The following GRID1 variants were observed in gnomAD, a reference collection of about 807,000 sequenced individuals.
GRID1 encodes the protein glutamate receptor ionotropic, delta-1.
GRID1 carries 28 observed loss-of-function variants against 98.0 expected under a neutral mutation model. The ratio of observed to expected loss-of-function variants is 0.29; its 90% CI spans 0.21 to 0.39. GRID1 has a LOEUF of 0.39. Ranked by LOEUF, GRID1 falls within the 10% of genes least tolerant of loss-of-function variation. GRID1 has a pLI of 1.00. For synonymous variants in GRID1, 553 were observed against 538.5 expected (o/e 1.03, Z -0.37); for missense variants, 1,111 against 1,340.5 (o/e 0.83, Z 2.67).
In GRID1 at chr10:86,366,333, G is replaced by C; in HGVS notation, c.60C>G (p.Ala20=). 1.3e-6 allele frequency: 2 copies of C among 1,513,882 alleles called. No individual in the cohort carries two copies. Among genetic ancestry groups the C allele is most frequent in the Non-Finnish European group, 8.9e-7 (1 of 1,129,052 alleles). 93.8% of individuals were successfully genotyped at this position (1,513,882 alleles called of 1,614,324 possible). The change falls in exon 1 of 16, where the codon GCC becomes GCG. Residue 20 remains alanine (A), a synonymous_variant. Transcript: ENST00000327946. The surrounding 1 kb of genome is among the most constrained non-coding windows in gnomAD (Gnocchi z 4.1). ...GCTTACCGATGTGGATGATGGAGTC[G>C]GCCCGCACCGACACGCACTGGCATA... The part of the protein sequence containing the change: ...PWICQCVSVR[A]DSIIHIGAIF...
At chr10:85,743,890 T>G (rs1472590102) in intron 8 of GRID1, among the ~76,000 whole-genome samples, 1 of 152,192 alleles carries the variant, frequency 6.6e-6, no homozygotes, top group Non-Finnish European at 1.5e-5. Context: ...AATGCATGCA[T>G]AGGTGCATAG....
chr10:86,055,717 T>G (rs996774650), intron 4 of GRID1, among the ~76,000 whole-genome samples: 7 of 152,076 alleles, frequency 4.6e-5, no homozygotes, highest in African/African-American at 1.7e-4. Context: ...CACTCCAGCC[T>G]GGGCAACAGA....
intron 12 of GRID1, among the ~76,000 whole-genome samples, chr10:85,667,548 A>T (rs1040709814): frequency 1.3e-5 from 2 of 152,184 alleles, no homozygotes; most frequent in African/African-American, 4.8e-5. Context: ...CCAGAAGGTT[A>T]ATTAGCTTGC....
At chr10:86,172,177 C>A (rs1252747702) in intron 3 of GRID1, among the ~76,000 whole-genome samples, 1 of 152,144 alleles carries the variant, frequency 6.6e-6, no homozygotes, top group Non-Finnish European at 1.5e-5. Context: ...CCCATCCCAC[C>A]CTAGCCCCTG....
intron 5 of GRID1, among the ~76,000 whole-genome samples, chr10:85,906,021 C>T (rs1320347628): frequency 1.3e-5 from 2 of 151,814 alleles, no homozygotes; most frequent in Admixed American, 6.6e-5. Context: ...ATACTTTAAA[C>T]ATAAAGAAAC....
At chr10:86,317,966 C>T (rs112958747) in intron 2 of GRID1, among the ~76,000 whole-genome samples, 6,485 of 152,216 alleles carry the variant, frequency 0.043, 195 homozygotes, top group Non-Finnish European at 0.065. Context: ...GTCTTGAACT[C>T]CTGGCCTCAA....
At chr10:86,142,233 C>T (rs1403140060) in intron 3 of GRID1, among the ~76,000 whole-genome samples, 3 of 152,188 alleles carry the variant, frequency 2.0e-5, no homozygotes, top group Admixed American at 2.0e-4. Context: ...CCTATAGACT[C>T]ATAAAAAATA....
chr10:85,854,672 C>A (rs1408806142), intron 7 of GRID1, 57 bp from the exon 8 acceptor site: 14 of 1,596,822 alleles, frequency 8.8e-6, no homozygotes, highest in African/African-American at 1.3e-5. Flanking sequence ...GGATGGAGTC[C>A]CAAAGGCTAA....
At chr10:85,843,144 T>A (rs1842975337) in intron 8 of GRID1, among the ~76,000 whole-genome samples, 1 of 151,850 alleles carries the variant, frequency 6.6e-6, no homozygotes, top group South Asian at 2.1e-4. Context: ...CACACAAATA[T>A]GCCAAAATGA....
chr10:86,284,512 A>T (rs1414677259), intron 2 of GRID1, among the ~76,000 whole-genome samples: 2 of 152,184 alleles, frequency 1.3e-5, no homozygotes, highest in East Asian at 3.8e-4. Context: ...CACTTCCACC[A>T]CTGCTGAGCT....
rs374120754 is a variant in GRID1 at position 85,856,148 on chromosome 10, T to C, written c.994A>G (p.Asn332Asp). Residue 332 changes from asparagine (N) to aspartate (D), a missense_variant, in exon 7 of 16, where the codon AAC becomes GAC. Transcript: ENST00000327946. ...YLYDSVLMLA[N>D]AFHRKLEDRK... ...TCCTCCAGCTTCCTGTGAAAGGCGT[T>C]GGCCAGCATCAGAACACTGTCATAC... The C allele has an allele frequency of 9.3e-6, 15 of 1,614,062 alleles. No individual in the cohort carries two copies. Among genetic ancestry groups the C allele is most frequent in the Non-Finnish European group, 1.3e-5 (15 of 1,180,020 alleles).
chr10:85,643,294 T>C (rs897648547), intron 13 of GRID1, among the ~76,000 whole-genome samples: 1 of 152,078 alleles, frequency 6.6e-6, no homozygotes, highest in African/African-American at 2.4e-5. Flanking sequence ...CTACACTGCA[T>C]GGCAGCAGAC....
intron 4 of GRID1, among the ~76,000 whole-genome samples, chr10:86,023,601 T>G (rs1244681628): frequency 6.6e-6 from 1 of 152,092 alleles, no homozygotes; most frequent in Non-Finnish European, 1.5e-5. Context: ...TGACAATACC[T>G]GCACACATAA....
At chr10:86,262,773 A>G (rs1847036909) in intron 2 of GRID1, among the ~76,000 whole-genome samples, 1 of 152,178 alleles carries the variant, frequency 6.6e-6, no homozygotes, top group African/African-American at 2.4e-5. Flanking sequence ...AGCGCACCCT[A>G]ATTCCAACCC....
intron 2 of GRID1, among the ~76,000 whole-genome samples, chr10:86,220,139 G>GTTCA (rs936787480): frequency 4.5e-4 from 69 of 152,290 alleles, no homozygotes; most frequent in East Asian, 1.4e-3. Flanking sequence ...CTCGGGAAGT[G>GTTCA]TTCATTCATT....
intron 4 of GRID1, among the ~76,000 whole-genome samples, chr10:86,044,226 G>A (rs1183890593): frequency 6.6e-6 from 1 of 152,230 alleles, no homozygotes. Flanking sequence ...GAATGAAGGG[G>A]TGAAGTGGCT....
rs182796503 is a variant in GRID1 at position 86,207,882 on chromosome 10, G to A, written c.236-1234C>T. On this transcript the variant is annotated intron_variant, in intron 2 of 15. Coordinates refer to ENST00000327946, the MANE Select transcript of GRID1 (RefSeq NM_017551.3). Reference sequence around the variant, plus strand: ...CCTGACCTCGTGATCCGCCCGTCTCGACCTCCCAAAGTGCTGGGATTACAG... The same window carrying A: ...CCTGACCTCGTGATCCGCCCGTCTCAACCTCCCAAAGTGCTGGGATTACAG... 7.2e-3 allele frequency among the ~76,000 whole-genome samples: 1,093 copies of A among 152,120 alleles called. 17 individuals carry two copies. The highest frequency in any genetic ancestry group is 0.024 in the African/African-American group (977 of 41,514).
intron 8 of GRID1, among the ~76,000 whole-genome samples, chr10:85,790,905 T>C (rs1842472618): frequency 6.6e-6 from 1 of 152,150 alleles, no homozygotes; most frequent in Non-Finnish European, 1.5e-5. Context: ...AGCCCCGCTC[T>C]CTCTGAGCAG....
At chr10:85,777,052 G>A (rs1917154) in intron 8 of GRID1, among the ~76,000 whole-genome samples, 121,648 of 151,752 alleles carry the variant, frequency 0.8, 48,956 homozygotes, top group East Asian at 0.96. Flanking sequence ...TTACTTCCCA[G>A]TGTAATGGGA....
Sources: gnomAD v4.1 joint callset for allele counts (sites outside exome capture counted in the v4.1 genomes callset) on GRCh38, gnomAD v4.1.1 for gene constraint, Gnocchi (gnomAD v3.1) non-coding constraint, MANE v1.5 for transcripts, NCBI Gene and HGNC (gene_info 2026-07-23, HGNC 2026-07-21) for gene names.